Variants in FMNL2 observed in about 807,000 individuals in gnomAD.
FMNL2 encodes formin like 2.
Under a neutral mutation model 130.2 loss-of-function variants are expected in FMNL2, and 51 were observed. That is an observed-to-expected ratio of 0.39 (90% CI 0.31 to 0.49). The LOEUF (loss-of-function observed/expected upper bound fraction) is 0.49, where lower values mean the gene tolerates loss of function less well. Ranked by LOEUF, FMNL2 falls within the 20% of genes least tolerant of loss-of-function variation. The probability of loss-of-function intolerance (pLI) is 0.85; values close to 1 mark genes in which losing one functional copy is unlikely to be tolerated. For missense variants in FMNL2, 977 were observed against 1,316.2 expected, an observed-to-expected ratio of 0.74 and a Z score of 3.99; for synonymous variants, 465 against 467.1, an observed-to-expected ratio of 1.00 and a Z score of 0.06.
At chr2:152,516,933 T>G (rs762168692) in intron 1 of FMNL2, among the ~76,000 whole-genome samples, 3 of 152,162 alleles carry the variant, frequency 2.0e-5, no homozygotes, top group Non-Finnish European at 4.4e-5. Flanking sequence ...TAGTTATAAT[T>G]TCTATTTTCA....
chr2:152,411,311 G>C (rs1366785981), intron 1 of FMNL2, among the ~76,000 whole-genome samples: 1 of 152,308 alleles, frequency 6.6e-6, no homozygotes, highest in African/African-American at 2.4e-5. Context: ...GGGGGTGTGT[G>C]TGTCAGTGAA....
At chr2:152,439,109 G>GTC (rs1687925257) in intron 1 of FMNL2, among the ~76,000 whole-genome samples, 1 of 151,838 alleles carries the variant, frequency 6.6e-6, no homozygotes. Flanking sequence ...GTGTGTGTGT[G>GTC]TGTGTGGCAA....
rs768683504 is a variant in FMNL2, at chr2:152,626,583, T to C, written c.2021T>C (p.Ile674Thr). The C allele has an allele frequency of 2.5e-6, 4 of 1,612,558 alleles. No individual in the cohort carries two copies. Among genetic ancestry groups the C allele is most frequent in the South Asian group, 1.1e-5 (1 of 90,594 alleles). ...IFKTKAQGPA[I>T]DLSSSKQKIP... ...AAGACAAAAGCCCAAGGACCTGCCA[T>C]TGATCTTTCTTCAAGCAAACAGAAG... Residue 674 changes from isoleucine to threonine, a missense_variant, in exon 17 of 26, where the codon ATT becomes ACT. By Grantham distance (89) the Ile-to-Thr change is moderately conservative. Transcript: ENST00000288670.
At chr2:152,644,934 A>C (rs7576847) in intron 25 of FMNL2, among the ~76,000 whole-genome samples, 4 of 152,080 alleles carry the variant, frequency 2.6e-5, no homozygotes, top group African/African-American at 9.7e-5. Flanking sequence ...ATTAGAAAAG[A>C]GACAAGGGAA....
chr2:152,419,839 C>T (rs1686818359), intron 1 of FMNL2, among the ~76,000 whole-genome samples: 1 of 152,014 alleles, frequency 6.6e-6, no homozygotes, highest in Non-Finnish European at 1.5e-5. Flanking sequence ...AATACACTTG[C>T]TGGAAGCTGC....
chr2:152,349,527 C>G (rs1357349128), intron 1 of FMNL2, among the ~76,000 whole-genome samples: 2 of 152,178 alleles, frequency 1.3e-5, no homozygotes, highest in Non-Finnish European at 2.9e-5. Flanking sequence ...TAAATGTATG[C>G]TTCTTGTTCG....
chr2:152,495,201 A>T (rs1691436566), intron 1 of FMNL2, among the ~76,000 whole-genome samples: 1 of 152,230 alleles, frequency 6.6e-6, no homozygotes, highest in Non-Finnish European at 1.5e-5. Flanking sequence ...ACTAACAGGA[A>T]TAACACTAAG....
At chr2:152,367,897 AC>A (rs1683650508) in intron 1 of FMNL2, among the ~76,000 whole-genome samples, 1 of 152,168 alleles carries the variant, frequency 6.6e-6, no homozygotes, top group Non-Finnish European at 1.5e-5. Context: ...ATCACGCCAC[AC>A]CACTCTGCGG....
chr2:152,500,311 T>G (rs1691740377), intron 1 of FMNL2, among the ~76,000 whole-genome samples: 1 of 152,026 alleles, frequency 6.6e-6, no homozygotes, highest in Non-Finnish European at 1.5e-5. Flanking sequence ...ACAACATTCA[T>G]CAGAAAGAAA....
chr2:152,519,491 C>T (rs1482536044), intron 1 of FMNL2, among the ~76,000 whole-genome samples: 2 of 152,184 alleles, frequency 1.3e-5, no homozygotes, highest in African/African-American at 2.4e-5. Context: ...ATTCCTGTGG[C>T]GATGTTTGCC....
chr2:152,610,443 T>C (rs6734434), intron 10 of FMNL2, among the ~76,000 whole-genome samples: 74,288 of 151,908 alleles, frequency 0.49, 19,240 homozygotes, highest in East Asian at 0.75. Context: ...CCTGTACCCA[T>C]TGGCAGTCCC....
chr2:152,630,330 C>G (rs1027004340), intron 20 of FMNL2, among the ~76,000 whole-genome samples: 1 of 152,170 alleles, frequency 6.6e-6, no homozygotes, highest in African/African-American at 2.4e-5. Context: ...ACAGTTGAAT[C>G]TCAGCTAAGT....
At chr2:152,638,787 G>C (rs1293437040) in intron 23 of FMNL2, among the ~76,000 whole-genome samples, 1 of 152,212 alleles carries the variant, frequency 6.6e-6, no homozygotes, top group South Asian at 2.1e-4. Flanking sequence ...GTGTTTATGT[G>C]CTGTAGAGAT....
intron 1 of FMNL2, among the ~76,000 whole-genome samples, chr2:152,473,618 A>G (rs915020369): frequency 1.4e-4 from 22 of 152,332 alleles, no homozygotes; most frequent in African/African-American, 4.8e-4. Context: ...TTCCTTTTGC[A>G]TATACTGTCC....
At chr2:152,492,722 C>A (rs6434060) in intron 1 of FMNL2, among the ~76,000 whole-genome samples, 61,082 of 151,968 alleles carry the variant, frequency 0.4, 12,869 homozygotes, top group East Asian at 0.67. Context: ...TTTAATCACC[C>A]CTTGTTTCTT....
At chr2:152,620,063 C>T (rs557954052) in intron 15 of FMNL2, among the ~76,000 whole-genome samples, 2 of 151,702 alleles carry the variant, frequency 1.3e-5, no homozygotes, top group East Asian at 3.9e-4. Context: ...TTCTGGACAC[C>T]TGTAGTATTC....
At chr2:152,368,183 A>T (rs935979955) in intron 1 of FMNL2, among the ~76,000 whole-genome samples, 2 of 152,140 alleles carry the variant, frequency 1.3e-5, no homozygotes, top group Non-Finnish European at 2.9e-5. Flanking sequence ...ATTTTCATGG[A>T]ATTAAAGATA....
intron 1 of FMNL2, among the ~76,000 whole-genome samples, chr2:152,518,467 T>G (rs1692897849): frequency 6.6e-6 from 1 of 152,252 alleles, no homozygotes; most frequent in African/African-American, 2.4e-5. Flanking sequence ...ACCTTTCTTT[T>G]GACCTCCAGA....
intron 3 of FMNL2, among the ~76,000 whole-genome samples, chr2:152,548,494 AG>A (rs1694767823): frequency 6.6e-6 from 1 of 152,232 alleles, no homozygotes. Context: ...GCTCCCAATA[AG>A]AACCTGGCCA....
Sources: gnomAD v4.1 joint callset for allele counts (sites outside exome capture counted in the v4.1 genomes callset) on GRCh38, gnomAD v4.1.1 for gene constraint, MANE v1.5 for transcripts, NCBI Gene and HGNC (gene_info 2026-07-23, HGNC 2026-07-21) for gene names.